Variants in STARD9 observed in about 807,000 individuals in gnomAD.
STARD9 encodes StAR related lipid transfer domain containing 9.
Under a neutral mutation model 399.8 loss-of-function variants are expected in STARD9, and 346 were observed. The ratio of observed to expected loss-of-function variants is 0.87; its 90% CI spans 0.79 to 0.95. The LOEUF is 0.95. Ranked by LOEUF, STARD9 falls within the 40% of genes least tolerant of loss-of-function variation. The pLI, the probability that STARD9 is intolerant of heterozygous loss-of-function variation, is 0.00. For synonymous variants in STARD9, 2,203 were observed against 2,143.5 expected (o/e 1.03, Z -0.77); for missense variants, 5,832 against 5,667.5 (o/e 1.03, Z -0.93).
chr15:42,695,459 A>G, intron 25 of STARD9, 136 bp downstream of exon 25: 2 of 891,000 alleles, frequency 2.2e-6, no homozygotes, highest in South Asian at 3.6e-5. Flanking sequence ...TGTCAACTCA[A>G]AGCTGGGCTC....
chr15:42,706,440 T>C (rs2061085021), intron 26 of STARD9, among the ~76,000 whole-genome samples: 1 of 152,062 alleles, frequency 6.6e-6, no homozygotes, highest in Admixed American at 6.6e-5. Flanking sequence ...TGCTAATACA[T>C]GTACCTATCT....
Position 42,716,946 on chromosome 15 carries a change from C to A in STARD9, c.13392C>A (p.Gly4464=), listed in dbSNP as rs1415341152. 2.0e-6 allele frequency: 3 copies of A among 1,537,244 alleles called. No homozygotes were observed. Among genetic ancestry groups the A allele is most frequent in the Non-Finnish European group, 2.6e-6 (3 of 1,146,888 alleles). The change falls in exon 28 of 33, where the codon GGC becomes GGA. Residue 4464 remains glycine (G), a synonymous_variant. Coordinates refer to ENST00000290607, the MANE Select transcript of STARD9 (RefSeq NM_020759.3). The part of the protein sequence containing the change: ...NSAYSHRASL[G]SCCCSPSSLS... ...TTGTAGGCCACAGAGCCTCCCTGGG[C>A]AGTTGCTGCTGTTCACCATCCAGTC...
chr15:42,716,796 C>T, intron 27 of STARD9, 32 bp downstream of exon 27: 2 of 1,528,112 alleles, frequency 1.3e-6, no homozygotes, highest in South Asian at 2.4e-5. Context: ...GCATAGCCAG[C>T]TGCCTGGTTT....
chr15:42,690,779 A>G lies in STARD9; in HGVS notation c.9201A>G (p.Thr3067=), dbSNP rs893562817. ...CCCCTTCTGCTCCTGACGTGAGGAC[A>G]GGTTCCTTCAGCCACTCAGCTACTG... ...CRSPSAPDVR[T]GSFSHSATDG... is the part of the protein sequence containing the mutation. The change falls in exon 23 of 33, where the codon ACA becomes ACG. Residue 3067 remains threonine, a synonymous_variant. Coordinates refer to ENST00000290607, the MANE Select transcript of STARD9 (RefSeq NM_020759.3). The G allele has an allele frequency of 2.6e-6, 4 of 1,537,134 alleles. No individual in the cohort carries two copies. In the African/African-American group the frequency reaches 4.1e-5, roughly 16 times the overall value.
chr15:42,718,298 G>A, intron 30 of STARD9, 119 bp downstream of exon 30: 3 of 1,235,022 alleles, frequency 2.4e-6, no homozygotes, highest in Non-Finnish European at 3.4e-6. Flanking sequence ...AGGTACTCAG[G>A]TTACCTTGAT....
intron 16 of STARD9, 139 bp downstream of exon 16, chr15:42,669,476 A>C: frequency 1.4e-6 from 1 of 691,812 alleles, no homozygotes. Context: ...GTTTGCTCTC[A>C]GGAAACGTCT....
chr15:42,587,339 A>G (rs2058296124), intron 3 of STARD9, among the ~76,000 whole-genome samples: 1 of 152,204 alleles, frequency 6.6e-6, no homozygotes, highest in African/African-American at 2.4e-5. Flanking sequence ...TCTGAAAGGA[A>G]CACACAGAAA....
intron 7 of STARD9, among the ~76,000 whole-genome samples, chr15:42,648,961 T>C (rs1005109579): frequency 6.6e-6 from 1 of 152,128 alleles, no homozygotes; most frequent in African/African-American, 2.4e-5. Flanking sequence ...GGTTTTGGAC[T>C]CCTGGGCTCA....
intron 3 of STARD9, among the ~76,000 whole-genome samples, chr15:42,616,310 C>G (rs1045562799): frequency 1.4e-4 from 21 of 152,152 alleles, no homozygotes; most frequent in African/African-American, 5.1e-4. Context: ...TACTTTTGGC[C>G]AAAGGCCATT....
At chr15:42,580,234 A>C (rs931204090) in intron 1 of STARD9, among the ~76,000 whole-genome samples, 28 of 152,266 alleles carry the variant, frequency 1.8e-4, no homozygotes, top group Admixed American at 7.8e-4. Flanking sequence ...AGAGTTGCAC[A>C]AACTGTGCTC....
chr15:42,700,934 A>T (rs772589430), intron 26 of STARD9, among the ~76,000 whole-genome samples: 2 of 152,096 alleles, frequency 1.3e-5, no homozygotes, highest in Non-Finnish European at 2.9e-5. Context: ...TCCTTTTTGT[A>T]TATGGTAAGA....
intron 3 of STARD9, among the ~76,000 whole-genome samples, chr15:42,633,382 T>G (rs1177254301): frequency 6.6e-6 from 1 of 152,024 alleles, no homozygotes; most frequent in Non-Finnish European, 1.5e-5. Flanking sequence ...GTCACAGAAT[T>G]GAAGGGAAAG....
intron 8 of STARD9, 99 bp downstream of exon 8, chr15:42,651,184 C>A: frequency 1.2e-6 from 1 of 837,276 alleles, no homozygotes; most frequent in Non-Finnish European, 1.8e-6. Flanking sequence ...TTAAAATTGT[C>A]TCTGTGTGTA....
chr15:42,707,089 T>C (rs1383708383), intron 26 of STARD9, among the ~76,000 whole-genome samples: 2 of 152,226 alleles, frequency 1.3e-5, no homozygotes, highest in Non-Finnish European at 2.9e-5. Context: ...TACTTTATAC[T>C]CCTTTAATAG....
chr15:42,684,236 G>A lies in STARD9; in HGVS notation c.2658G>A (p.Arg886=). The A allele has an allele frequency of 6.5e-7, 1 of 1,537,236 alleles. No homozygotes were observed. Among genetic ancestry groups the A allele is most frequent in the Non-Finnish European group, 8.7e-7 (1 of 1,146,910 alleles). Residue 886 remains arginine (R), a synonymous_variant, in exon 23 of 33, where the codon AGG becomes AGA. Transcript: ENST00000290607. The part of the protein sequence containing the change: ...HLPQAASYPA[R]TGCLRKNGLH... ...CACAGGCTGCTTCCTACCCTGCAAG[G>A]ACAGGGTGCCTCCGCAAGAACGGCC... is the stretch of plus-strand genomic sequence containing the variant.
At chr15:42,715,033 T>C (rs1225579897) in intron 26 of STARD9, among the ~76,000 whole-genome samples, 7 of 151,948 alleles carry the variant, frequency 4.6e-5, no homozygotes, top group Admixed American at 4.6e-4. Context: ...AGGCCTGAAT[T>C]TTGAAAGAAT....
intron 9 of STARD9, among the ~76,000 whole-genome samples, chr15:42,655,765 C>T (rs1382323424): frequency 6.6e-6 from 1 of 152,102 alleles, no homozygotes; most frequent in Non-Finnish European, 1.5e-5. Context: ...AAATCTTCTG[C>T]ACAGCAAAAG....
At chr15:42,680,202 G>A (rs1188912470) in intron 20 of STARD9, among the ~76,000 whole-genome samples, 1 of 152,194 alleles carries the variant, frequency 6.6e-6, no homozygotes, top group African/African-American at 2.4e-5. Context: ...GACCCCCAGG[G>A]AAAGGTCAGC....
chr15:42,682,929 C>A (rs1018004668), intron 22 of STARD9, among the ~76,000 whole-genome samples: 2 of 152,114 alleles, frequency 1.3e-5, no homozygotes, highest in Admixed American at 6.5e-5. Flanking sequence ...TGCCTGTAAC[C>A]AGACTTCTTG....
Sources: allele counts gnomAD v4.1 joint callset (sites outside exome capture counted in the v4.1 genomes callset), GRCh38; gene constraint gnomAD v4.1.1; transcripts MANE v1.5; gene names NCBI Gene and HGNC (gene_info 2026-07-23, HGNC 2026-07-21).